The following FGF14 variants were observed in gnomAD, a reference collection of about 807,000 sequenced individuals.
FGF14 encodes the protein fibroblast growth factor homologous factor 4.
A neutral mutation model predicts 25.5 loss-of-function variants in FGF14; 5 were observed. The ratio of observed to expected loss-of-function variants is 0.20; its 90% confidence interval spans 0.10 to 0.41. The LOEUF is 0.41. Among genes scored for constraint, FGF14 ranks in the 10% least tolerant of loss-of-function variants. The pLI is 1.00. For synonymous variants in FGF14, 138 were observed against 118.3 expected (o/e 1.17, Z -1.08); for missense variants, 222 against 320.1 (o/e 0.69, Z 2.34).
At chr13:102,000,217 G>T (rs1174794768) in intron 1 of FGF14, among the ~76,000 whole-genome samples, 11 of 152,290 alleles carry the variant, frequency 7.2e-5, no homozygotes, top group Admixed American at 2.6e-4. Context: ...TACTGAGGAG[G>T]CTGAGACAGG....
chr13:101,913,298 T>C (rs888145094), intron 1 of FGF14, among the ~76,000 whole-genome samples: 1 of 151,988 alleles, frequency 6.6e-6, no homozygotes, highest in African/African-American at 2.4e-5. Flanking sequence ...TGGAGCTGAA[T>C]CTGGAAAGGT....
chr13:102,330,334 G>C (rs757718953), intron 1 of FGF14, among the ~76,000 whole-genome samples: 10 of 152,050 alleles, frequency 6.6e-5, no homozygotes, highest in Non-Finnish European at 1.2e-4. Flanking sequence ...AATTTTCTCT[G>C]TTCTTATCTA....
At chr13:102,141,139 T>A (rs1288199476) in intron 1 of FGF14, among the ~76,000 whole-genome samples, 1 of 152,234 alleles carries the variant, frequency 6.6e-6, no homozygotes, top group Non-Finnish European at 1.5e-5. Context: ...AGCACTAGTT[T>A]CAGAAATCCC....
chr13:101,890,461 T>C (rs1485790331), intron 1 of FGF14, among the ~76,000 whole-genome samples: 3 of 152,178 alleles, frequency 2.0e-5, no homozygotes, highest in Non-Finnish European at 4.4e-5. Context: ...GGGACCTCTG[T>C]TCCTCTAAGT....
At chr13:101,984,936 C>T (rs1309601513) in intron 1 of FGF14, among the ~76,000 whole-genome samples, 1 of 152,010 alleles carries the variant, frequency 6.6e-6, no homozygotes, top group Admixed American at 6.6e-5. Flanking sequence ...GCAAGACTCA[C>T]TTGGACTATG....
At chr13:102,015,671 T>TG (rs965210335) in intron 1 of FGF14, among the ~76,000 whole-genome samples, 3 of 152,246 alleles carry the variant, frequency 2.0e-5, no homozygotes, top group Admixed American at 2.0e-4. Flanking sequence ...AAACTCCCCA[T>TG]GGGGTCAAGG....
chr13:101,887,771 T>G (rs2046070966), intron 1 of FGF14, among the ~76,000 whole-genome samples: 1 of 152,198 alleles, frequency 6.6e-6, no homozygotes, highest in South Asian at 2.1e-4. Flanking sequence ...GATAAATGTT[T>G]GAGGCAATGG....
intron 1 of FGF14, among the ~76,000 whole-genome samples, chr13:102,135,181 C>T (rs2046361047): frequency 6.6e-6 from 1 of 152,124 alleles, no homozygotes; most frequent in Admixed American, 6.5e-5. Flanking sequence ...GCACTCCAGC[C>T]TGGGTGACAG....
chr13:101,837,817 G>T (rs1489077309), intron 3 of FGF14, among the ~76,000 whole-genome samples: 1 of 152,032 alleles, frequency 6.6e-6, no homozygotes, highest in African/African-American at 2.4e-5. Flanking sequence ...GTGCTCCTGG[G>T]TGTGTCTGTG....
At chr13:102,080,645 G>T (rs1566659274) in intron 1 of FGF14, among the ~76,000 whole-genome samples, 3 of 152,178 alleles carry the variant, frequency 2.0e-5, no homozygotes, top group Non-Finnish European at 4.4e-5. Flanking sequence ...TGCTGTAAGT[G>T]ATTACAACCT....
chr13:101,904,065 A>G (rs2031919072), intron 1 of FGF14, among the ~76,000 whole-genome samples: 1 of 152,228 alleles, frequency 6.6e-6, no homozygotes, highest in South Asian at 2.1e-4. Flanking sequence ...GGGACTCTAC[A>G]CAGCGTGCAA....
rs552305389 is a variant in FGF14, at chr13:102,158,214, T to G, written c.208+243257A>C. On this transcript the variant is annotated intron_variant, in intron 1 of 4. Coordinates refer to the FGF14 transcript ENST00000376131. ...TAAATCATGCTGCTGTAAAGACACA[T>G]GCACACGTATGTTTATTGCGGCACT... 3.3e-3 allele frequency among the ~76,000 whole-genome samples: 508 copies of G among 152,300 alleles called. 3 individuals are homozygous for G. The highest frequency in any genetic ancestry group is 0.012 in the African/African-American group (479 of 41,548).
intron 3 of FGF14, among the ~76,000 whole-genome samples, chr13:101,750,970 T>C (rs983934026): frequency 5.3e-5 from 8 of 152,044 alleles, no homozygotes; most frequent in East Asian, 1.9e-4. Context: ...TATATAACAT[T>C]CTGGAAAAGG....
chr13:102,361,504 T>A (rs535648664), intron 1 of FGF14, among the ~76,000 whole-genome samples: 2 of 151,968 alleles, frequency 1.3e-5, no homozygotes, highest in Non-Finnish European at 2.9e-5. Flanking sequence ...GAATTTTCTT[T>A]CATAGCACAC....
At chr13:101,835,888 T>A (rs2042899101) in intron 3 of FGF14, among the ~76,000 whole-genome samples, 1 of 152,056 alleles carries the variant, frequency 6.6e-6, no homozygotes, top group African/African-American at 2.4e-5. Flanking sequence ...AGCAATGGGG[T>A]CTGACTGTTG....
At chr13:102,113,339 A>G (rs1455936277) in intron 1 of FGF14, among the ~76,000 whole-genome samples, 1 of 152,152 alleles carries the variant, frequency 6.6e-6, no homozygotes, top group Non-Finnish European at 1.5e-5. Flanking sequence ...TCTGCTTCCT[A>G]ACCTGTCCCT....
chr13:102,140,825 G>A (rs145700176), intron 1 of FGF14, among the ~76,000 whole-genome samples: 90 of 152,224 alleles, frequency 5.9e-4, no homozygotes, highest in African/African-American at 2.0e-3. Flanking sequence ...TTGTATTGTC[G>A]TATTACTTCG....
intron 1 of FGF14, among the ~76,000 whole-genome samples, chr13:102,006,555 T>G (rs2039798262): frequency 6.6e-6 from 1 of 152,000 alleles, no homozygotes; most frequent in South Asian, 2.1e-4. Context: ...ACTCCTGACC[T>G]TTTTTTAAAA....
chr13:101,875,139 G>A (rs1285950359), intron 2 of FGF14, 47 bp downstream of exon 2: 1 of 1,236,062 alleles, frequency 8.1e-7, no homozygotes. Context: ...AAGTAGCAGT[G>A]TATCTTCTAC....
Sources: gnomAD v4.1 joint callset for allele counts (sites outside exome capture counted in the v4.1 genomes callset) on GRCh38, gnomAD v4.1.1 for gene constraint, MANE v1.5 for transcripts, NCBI Gene and HGNC (gene_info 2026-07-23, HGNC 2026-07-21) for gene names.